PRKCA: variants seen among roughly 807,000 people sequenced by gnomAD.
The protein encoded by PRKCA is protein kinase C alpha, also known as protein kinase C alpha type.
In PRKCA, 27 loss-of-function variants were observed where a neutral mutation model predicts 87.0. The observed-to-expected ratio is 0.31, with a 90% CI of 0.23 to 0.43. PRKCA has a LOEUF of 0.43. Ranked by LOEUF, PRKCA falls within the 20% of genes least tolerant of loss-of-function variation. The probability of loss-of-function intolerance (pLI) is 1.00; values close to 1 mark genes in which losing one functional copy is unlikely to be tolerated. For synonymous variants in PRKCA, 329 were observed against 311.1 expected (o/e 1.06, Z -0.61); for missense variants, 518 against 852.3 (o/e 0.61, Z 4.88).
Position 66,809,213 on chromosome 17 carries a change from C to G in PRKCA, c.*5176C>G, listed in dbSNP as rs1976110114. The G allele has an allele frequency of 6.6e-6, 1 of 152,288 alleles. No individual in the cohort carries two copies. The highest frequency in any genetic ancestry group is 2.4e-5 in the African/African-American group (1 of 41,404). 9.4% of individuals were successfully genotyped at this position (152,288 alleles called of 1,614,324 possible). On this transcript the variant is annotated 3_prime_UTR_variant, in exon 17 of 17. Transcript: ENST00000413366. ...GAAGGCCATCATCTAGAAATGGGGT[C>G]AACCACAATTGTGTTAATTCCGTAG...
At chr17:66,544,085 C>T (rs1968075380) in intron 3 of PRKCA, among the ~76,000 whole-genome samples, 1 of 152,098 alleles carries the variant, frequency 6.6e-6, no homozygotes, top group Admixed American at 6.5e-5. Context: ...TGTGGTGGTG[C>T]ACACCTGTAG....
intron 2 of PRKCA, among the ~76,000 whole-genome samples, chr17:66,371,501 T>C (rs1192073358): frequency 6.6e-6 from 1 of 152,230 alleles, no homozygotes; most frequent in South Asian, 2.1e-4. Flanking sequence ...CCAGACTGCC[T>C]GGGTTTACAT....
In PRKCA at chr17:66,578,808, T is replaced by G. The variant is rs111896353; in HGVS notation, c.289-62547T>G. On this transcript the variant is annotated intron_variant, in intron 3 of 16. Transcript: ENST00000413366. ...CCTAACTGACCGCCTGTCTCTCTGG[T>G]CTTGTGCCTCCTCCCAGCCGTCCTC... is the stretch of plus-strand genomic sequence containing the variant. Among the ~76,000 whole-genome samples the G allele has an allele frequency of 3.9e-5, 6 of 152,278 alleles. No homozygotes were observed. The East Asian group carries it at 1.2e-3, about 29-fold the overall frequency.
intron 2 of PRKCA, among the ~76,000 whole-genome samples, chr17:66,345,373 A>G (rs1289369227): frequency 1.3e-5 from 2 of 152,156 alleles, no homozygotes; most frequent in African/African-American, 2.4e-5. Flanking sequence ...CTAATGGACA[A>G]TTATCTTTCA....
chr17:66,346,826 C>T (rs1162883467), intron 2 of PRKCA, among the ~76,000 whole-genome samples: 3 of 151,828 alleles, frequency 2.0e-5, no homozygotes, highest in African/African-American at 7.3e-5. Flanking sequence ...GTCAGGAGTT[C>T]GAGACCAGCC....
intron 2 of PRKCA, among the ~76,000 whole-genome samples, chr17:66,492,431 AAAGCAAACTAT>A (rs1167221783): frequency 2.0e-5 from 3 of 152,228 alleles, no homozygotes; most frequent in Non-Finnish European, 4.4e-5. Context: ...ACAGGTACAA[AAAGCAAACTAT>A]TCTTCCATGG....
At chr17:66,605,976 C>A (rs1419219312) in intron 3 of PRKCA, among the ~76,000 whole-genome samples, 1 of 152,090 alleles carries the variant, frequency 6.6e-6, no homozygotes, top group Non-Finnish European at 1.5e-5. Context: ...CTTTGAGGTT[C>A]CTTTTTGAGA....
intron 3 of PRKCA, among the ~76,000 whole-genome samples, chr17:66,529,985 G>A (rs1967483731): frequency 6.6e-6 from 1 of 152,156 alleles, no homozygotes; most frequent in South Asian, 2.1e-4. Context: ...GGAAAACTGA[G>A]TCAGGGAGGA....
intron 16 of PRKCA, among the ~76,000 whole-genome samples, chr17:66,791,534 G>T (rs1975536037): frequency 6.6e-6 from 1 of 152,208 alleles, no homozygotes; most frequent in Non-Finnish European, 1.5e-5. Context: ...GATAAATGGG[G>T]CAAGCTCTGG....
At chr17:66,536,304 G>T (rs1266366397) in intron 3 of PRKCA, among the ~76,000 whole-genome samples, 1 of 152,114 alleles carries the variant, frequency 6.6e-6, no homozygotes, top group South Asian at 2.1e-4. Flanking sequence ...TACTCTGTCC[G>T]GTTCAGACCA....
chr17:66,688,462 T>TGGATG, intron 7 of PRKCA, 26 bp downstream of exon 7: 1 of 1,613,794 alleles, frequency 6.2e-7, no homozygotes, highest in South Asian at 1.1e-5. Context: ...AGGTTGAGTA[T>TGGATG]GTCTCAAAGC....
intron 3 of PRKCA, among the ~76,000 whole-genome samples, chr17:66,623,531 G>A (rs1233919054): frequency 6.6e-6 from 1 of 152,116 alleles, no homozygotes; most frequent in East Asian, 1.9e-4. Flanking sequence ...CGTGCCTTGG[G>A]AGGGAATGCA....
At chr17:66,530,523 G>T (rs1967500238) in intron 3 of PRKCA, among the ~76,000 whole-genome samples, 1 of 152,190 alleles carries the variant, frequency 6.6e-6, no homozygotes, top group African/African-American at 2.4e-5. Flanking sequence ...CCTCTTTTCA[G>T]CCCTCAGCTT....
chr17:66,617,577 C>G (rs937411328), intron 3 of PRKCA, among the ~76,000 whole-genome samples: 1 of 152,154 alleles, frequency 6.6e-6, no homozygotes, highest in Non-Finnish European at 1.5e-5. Flanking sequence ...GCAGGTAGAT[C>G]TGCCTCCACC....
intron 8 of PRKCA, among the ~76,000 whole-genome samples, chr17:66,731,857 C>T (rs1177930050): frequency 2.1e-5 from 3 of 140,280 alleles, no homozygotes; most frequent in African/African-American, 7.9e-5. Context: ...GATCTCAGCT[C>T]ACTGCAACCT....
intron 3 of PRKCA, among the ~76,000 whole-genome samples, chr17:66,638,760 A>G (rs1567947687): frequency 6.6e-6 from 1 of 152,104 alleles, no homozygotes; most frequent in Non-Finnish European, 1.5e-5. Context: ...AGGCAGGAGA[A>G]TGGCATGAAC....
intron 13 of PRKCA, among the ~76,000 whole-genome samples, chr17:66,757,590 A>C (rs991577235): frequency 6.9e-6 from 1 of 145,188 alleles, no homozygotes; most frequent in Non-Finnish European, 1.5e-5. Context: ...AAAAAAAAAA[A>C]CGAACCTAGA....
intron 3 of PRKCA, among the ~76,000 whole-genome samples, chr17:66,528,612 G>A (rs1967430799): frequency 6.6e-6 from 1 of 152,112 alleles, no homozygotes; most frequent in Admixed American, 6.5e-5. Flanking sequence ...AGGAAGCAGG[G>A]GCCCCCGGAA....
intron 2 of PRKCA, among the ~76,000 whole-genome samples, chr17:66,317,098 C>A (rs564253839): frequency 6.6e-6 from 1 of 150,878 alleles, no homozygotes; most frequent in Non-Finnish European, 1.5e-5. Context: ...GCGGAGATCA[C>A]GCCACTGCAC....
Sources: gnomAD v4.1 joint callset for allele counts (sites outside exome capture counted in the v4.1 genomes callset) on GRCh38, gnomAD v4.1.1 for gene constraint, MANE v1.5 for transcripts, NCBI Gene and HGNC (gene_info 2026-07-23, HGNC 2026-07-21) for gene names.